The following CAPRIN2 variants were observed in gnomAD, a reference collection of about 807,000 sequenced individuals.
CAPRIN2 encodes the protein caprin-2.
Under a neutral mutation model 130.4 loss-of-function variants are expected in CAPRIN2, and 66 were observed. The ratio of observed to expected loss-of-function variants is 0.51; its 90% confidence interval spans 0.42 to 0.62. The LOEUF is 0.62. Ranked by LOEUF, CAPRIN2 falls within the 20% of genes least tolerant of loss-of-function variation. CAPRIN2 has a pLI of 0.00. For synonymous variants in CAPRIN2, 471 were observed against 444.1 expected (o/e 1.06, Z -0.76); for missense variants, 1,185 against 1,246.6 (o/e 0.95, Z 0.74).
chr12:30,719,155 T>C, intron 12 of CAPRIN2: 2 of 1,614,168 alleles, frequency 1.2e-6, no homozygotes, highest in Non-Finnish European at 1.7e-6. Flanking sequence ...GAAGCCCTGT[T>C]CAGAGCCCTT....
intron 15 of CAPRIN2, 86 bp from the exon 18 acceptor site, chr12:30,711,715 A>G (rs2054735255): frequency 9.3e-7 from 1 of 1,073,470 alleles, no homozygotes; most frequent in East Asian, 2.4e-5. Context: ...CTGGCAAATA[A>G]GATTAGTCCC....
exon 1 of CAPRIN2, chr12:30,753,980 C>G: frequency 1.9e-6 from 1 of 532,456 alleles, no homozygotes; most frequent in Admixed American, 3.2e-5. Flanking sequence ...CTTTCCACAC[C>G]GGGACCTAAG....
Position 30,728,715 on chromosome 12 carries a change from AC to A in CAPRIN2, c.1714del (p.Val572Ter). 6.2e-7 allele frequency: 1 copy of A among 1,613,894 alleles called. No individual in the cohort carries two copies. The highest frequency in any genetic ancestry group is 8.5e-7 in the Non-Finnish European group (1 of 1,179,968). ...ATTTGGTATGAGGCTTGCTGTAGCT[AC>A]TCCCCAGGACTTTGGAGAAATCTGT... On this transcript the variant is annotated frameshift_variant, in exon 8 of 17. Coordinates refer to ENST00000298892, the Ensembl canonical transcript of CAPRIN2. LOFTEE classifies it high-confidence loss of function.
intron 1 of CAPRIN2, among the ~76,000 whole-genome samples, chr12:30,751,982 G>A (rs973448448): frequency 2.1e-5 from 3 of 140,482 alleles, no homozygotes; most frequent in African/African-American, 8.1e-5. Context: ...GCAGTGTCGC[G>A]ATCTCGGCAC....
intron 13 of CAPRIN2, 142 bp from the exon 16 acceptor site, chr12:30,715,283 TC>T: frequency 1.5e-6 from 1 of 672,768 alleles, no homozygotes; most frequent in Non-Finnish European, 2.6e-6. Flanking sequence ...TGTATATAAT[TC>T]ATCTACATGA....
At chr12:30,723,229 A>G (rs1171513489) in intron 11 of CAPRIN2, 30 bp downstream of exon 12, 6 of 1,499,594 alleles carry the variant, frequency 4.0e-6, no homozygotes, top group Non-Finnish European at 5.6e-6. Context: ...CTTGAGCAGC[A>G]AAGAATAAAA....
Position 30,710,307 on chromosome 12 carries a change from A to G in CAPRIN2, c.2829T>C (p.Pro943=), listed in dbSNP as rs765096929. ...CTGAGAAGGCAACTCGCATCTGCTG[A>G]GGCAGAGGGTAGACGTGTACTGGCA... The change falls in exon 17 of 17, where the codon CCT becomes CCC. Residue 943 remains proline, a synonymous_variant. Transcript: ENST00000298892. This position sits in a 1 kb window ranked among gnomAD's most constrained non-coding sequence, Gnocchi z 4.8. 6.2e-7 allele frequency: 1 copy of G among 1,614,180 alleles called. No individual in the cohort carries two copies. Among genetic ancestry groups the G allele is most frequent in the Non-Finnish European group, 8.5e-7 (1 of 1,180,040 alleles).
intron 1 of CAPRIN2, among the ~76,000 whole-genome samples, chr12:30,751,877 G>A (rs2074059193): frequency 6.7e-6 from 1 of 148,834 alleles, no homozygotes; most frequent in Non-Finnish European, 1.5e-5. Context: ...GCATTTGTTG[G>A]CCCCATAATA....
intron 5 of CAPRIN2, 38 bp downstream of exon 6, chr12:30,733,591 A>T (rs779094114): frequency 7.4e-7 from 1 of 1,349,160 alleles, no homozygotes; most frequent in Non-Finnish European, 1.1e-6. Flanking sequence ...CATAAAGTTT[A>T]GTATTTACTG....
At chr12:30,726,286 A>C (rs1405032270) in intron 8 of CAPRIN2, among the ~76,000 whole-genome samples, 198 bp from the exon 10 acceptor site, 1 of 152,158 alleles carries the variant, frequency 6.6e-6, no homozygotes, top group African/African-American at 2.4e-5. Context: ...TTTTCATGGA[A>C]CTCTTTCTAA....
intron 10 of CAPRIN2, 82 bp from the exon 12 acceptor site, chr12:30,723,396 ACTTC>A: frequency 1.1e-6 from 1 of 933,474 alleles, no homozygotes; most frequent in Admixed American, 2.0e-5. Context: ...TAAAGTTTAC[ACTTC>A]ACAAAAAAGA....
Position 30,710,237 on chromosome 12 carries a change from T to A in CAPRIN2, c.2899A>T (p.Ile967Phe). 1 of 1,614,096 alleles carries A rather than the reference T, an allele frequency of 6.2e-7. No individual in the cohort carries two copies. The highest frequency in any genetic ancestry group is 8.5e-7 in the Non-Finnish European group (1 of 1,180,024). The stretch of plus-strand genomic sequence containing the variant: ...TTGTTCAGAAGAAGATCAAACACAA[T>A]AGGTTGGTCTAAAGTTCCAGGGGCC... Residue 967 changes from isoleucine (I) to phenylalanine (F), a missense_variant, in exon 17 of 17, where the codon ATT (isoleucine) becomes TTT (phenylalanine). By Grantham distance (21) the Ile-to-Phe change is conservative (BLOSUM62 0). Coordinates refer to ENST00000298892, the Ensembl canonical transcript of CAPRIN2. This position sits in a 1 kb window ranked among gnomAD's most constrained non-coding sequence, Gnocchi z 4.8.
chr12:30,728,819 C>T (rs1352818408), exon 8 of CAPRIN2: 1 of 1,614,170 alleles, frequency 6.2e-7, no homozygotes, highest in Non-Finnish European at 8.5e-7. Flanking sequence ...GTTTTGAATC[C>T]TGTTCTTCAC....
intron 7 of CAPRIN2, 86 bp from the exon 9 acceptor site, chr12:30,729,411 CTCTGA>C: frequency 1.1e-6 from 1 of 917,826 alleles, no homozygotes; most frequent in Non-Finnish European, 1.6e-6. Flanking sequence ...TTGCTATGTC[CTCTGA>C]TCTAAGTTGT....
rs1423875035 is a variant in CAPRIN2 at position 30,751,907 on chromosome 12, GTATTTTTTT to G, written c.421-783_421-775del. ...ATAATAATGACATAAACCCACTATG[GTATTTTTTT>G]TTTTTTTTTTTTTTTTTTTTGAGAC... On this transcript the variant is annotated intron_variant, in intron 1 of 16. Transcript: ENST00000298892. 9.8e-4 allele frequency among the ~76,000 whole-genome samples: 121 copies of G among 123,386 alleles called. 2 individuals carry two copies. Among genetic ancestry groups the G allele is most frequent in the South Asian group, 9.3e-3 (38 of 4,070 alleles). The allele number at this position is 123,386 out of a possible 152,430, so 80.9% of individuals were successfully genotyped here.
chr12:30,716,512 C>A, exon 13 of CAPRIN2: 1 of 1,613,340 alleles, frequency 6.2e-7, no homozygotes, highest in Non-Finnish European at 8.5e-7. Flanking sequence ...TCTTACCAGT[C>A]TCTTGAGAAT....
At chr12:30,729,214 T>C (rs1420189441) in exon 8 of CAPRIN2, 7 of 1,613,706 alleles carry the variant, frequency 4.3e-6, no homozygotes, top group African/African-American at 1.3e-5. Context: ...TCAGTAAGCA[T>C]ATCCCAACGT....
chr12:30,713,516 G>A (rs562455883), intron 15 of CAPRIN2, among the ~76,000 whole-genome samples: 2 of 152,288 alleles, frequency 1.3e-5, no homozygotes, highest in African/African-American at 4.8e-5. Context: ...TCTCCTGTGA[G>A]GTGGAAGAGC....
At chr12:30,711,921 G>T in intron 15 of CAPRIN2, 1 of 509,546 alleles carries the variant, frequency 2.0e-6, no homozygotes, top group Non-Finnish European at 3.7e-6. Context: ...GCTAGGTAAT[G>T]AGAGAAATTT....
Sources: gnomAD v4.1 joint callset for allele counts (sites outside exome capture counted in the v4.1 genomes callset) on GRCh38, gnomAD v4.1.1 for gene constraint, Gnocchi (gnomAD v3.1) non-coding constraint, MANE v1.5 for transcripts, NCBI Gene and HGNC (gene_info 2026-07-23, HGNC 2026-07-21) for gene names.